The following SYDE2 variants were observed in gnomAD, a reference collection of about 807,000 sequenced individuals.
SYDE2 encodes the protein rho GTPase-activating protein SYDE2.
In SYDE2, 76 loss-of-function variants were observed where a neutral mutation model predicts 91.5. The ratio of observed to expected loss-of-function variants is 0.83; its 90% CI spans 0.69 to 1.01. SYDE2 has a LOEUF of 1.01. Among genes scored for constraint, SYDE2 ranks in the 50% least tolerant of loss-of-function variants. The pLI is 0.00. For missense variants in SYDE2, 1,364 were observed against 1,367.7 expected (o/e 1.00, Z 0.04); for synonymous variants, 513 against 506.4 (o/e 1.01, Z -0.18).
At chr1:85,156,485 G>A (rs938611482), downstream of SYDE2, among the ~76,000 whole-genome samples, 1 of 151,784 alleles carries the variant, frequency 6.6e-6, no homozygotes, top group Non-Finnish European at 1.5e-5. Context: ...ATAAAAAGCA[G>A]GTATAAAAAC....
chr1:85,180,409 A>C (rs537107857), intron 3 of SYDE2, among the ~76,000 whole-genome samples: 1 of 152,116 alleles, frequency 6.6e-6, no homozygotes, highest in South Asian at 2.1e-4. Flanking sequence ...GTACAGTTCT[A>C]GGCCGGACGC....
At position 85,200,431 on chromosome 1, in the gene SYDE2, T is replaced by C; in HGVS notation, c.566A>G (p.Lys189Arg). ...TTTGTACATCCACTTCTGCAGCTTC[T>C]TGACTGTCACTGCCGGCGGCCTGAG... ...SFLRPPAVTV[K>R]KLQKWMYKGR... The change falls in exon 1 of 7, where the codon AAG (lysine) becomes AGG (arginine). Residue 189 changes from lysine (K) to arginine (R), a missense_variant. Physicochemically the swap from Lys to Arg is conservative, Grantham distance 26. Transcript: ENST00000341460. The C allele has an allele frequency of 1.9e-6, 3 of 1,613,986 alleles. No individual in the cohort carries two copies. Among genetic ancestry groups the C allele is most frequent in the South Asian group, 2.2e-5 (2 of 91,088 alleles).
chr1:85,197,066 TA>T, intron 1 of SYDE2, among the ~76,000 whole-genome samples: 1 of 152,304 alleles, frequency 6.6e-6, no homozygotes, highest in East Asian at 1.9e-4. Context: ...AATTAAAACT[TA>T]TTTATAAAGA....
In SYDE2 at chr1:85,158,724, G is replaced by C. The variant is rs776795787; in HGVS notation, c.*26C>G. 2 of 700,880 alleles carry C rather than the reference G, an allele frequency of 2.9e-6. No homozygotes were observed. Among genetic ancestry groups the C allele is most frequent in the South Asian group, 1.6e-5 (1 of 62,030 alleles). The allele number at this position is 700,880 out of a possible 1,614,324, so 43.4% of individuals were successfully genotyped here. On this transcript the variant is annotated 3_prime_UTR_variant, in exon 7 of 7. Coordinates refer to ENST00000341460, the MANE Select transcript of SYDE2 (RefSeq NM_032184.2). ...AACAAAAACAGATTTGAAACTTTAA[G>C]ACATTACAAAAAAAAACCCTCAATC...
intron 3 of SYDE2, 80 bp downstream of exon 3, chr1:85,182,018 T>C: frequency 1.5e-6 from 2 of 1,359,236 alleles, no homozygotes; most frequent in Non-Finnish European, 2.0e-6. Flanking sequence ...TTTTTTTACA[T>C]TACCTTGAAT....
At chr1:85,160,624 T>A (rs1657024061) in intron 6 of SYDE2, 1 of 985,442 alleles carries the variant, frequency 1.0e-6, no homozygotes, top group Non-Finnish European at 1.2e-6. Context: ...TTTTTCTTCC[T>A]CTAGCTGCTT....
intron 4 of SYDE2, among the ~76,000 whole-genome samples, chr1:85,174,736 G>A (rs1331302451): frequency 6.6e-6 from 1 of 151,132 alleles, no homozygotes; most frequent in Non-Finnish European, 1.5e-5. Flanking sequence ...AACAATCTCA[G>A]TATATGTGGG....
downstream of SYDE2, chr1:85,154,085 C>G (rs192632997): frequency 2.6e-5 from 4 of 152,126 alleles, no homozygotes; most frequent in Non-Finnish European, 4.4e-5. Flanking sequence ...GAAAATTGGT[C>G]AGGAAAAACA....
chr1:85,185,353 ATGTC>A (rs1356030248), intron 2 of SYDE2, among the ~76,000 whole-genome samples: 1 of 151,404 alleles, frequency 6.6e-6, no homozygotes, highest in Non-Finnish European at 1.5e-5. Flanking sequence ...TTTTAAAAAA[ATGTC>A]TGTTAGTCTT....
chr1:85,197,811 C>T (rs1448911176), intron 1 of SYDE2, among the ~76,000 whole-genome samples: 3 of 152,012 alleles, frequency 2.0e-5, no homozygotes, highest in African/African-American at 4.8e-5. Context: ...CCCACCACCA[C>T]GCCCGGCTAA....
intron 5 of SYDE2, among the ~76,000 whole-genome samples, chr1:85,167,129 G>A (rs1657311663): frequency 1.3e-5 from 2 of 151,358 alleles, no homozygotes; most frequent in Admixed American, 1.3e-4. Context: ...CAGGAGGATG[G>A]CGTGAGCCGG....
downstream of SYDE2, among the ~76,000 whole-genome samples, chr1:85,156,215 A>G (rs1656878800): frequency 1.3e-5 from 2 of 152,140 alleles, no homozygotes; most frequent in African/African-American, 4.8e-5. Flanking sequence ...ATTTTTATTC[A>G]GGTACATGCT....
chr1:85,189,267 G>T (rs559678309), intron 2 of SYDE2, among the ~76,000 whole-genome samples: 1 of 152,174 alleles, frequency 6.6e-6, no homozygotes, highest in East Asian at 1.9e-4. Context: ...ACTGTAGCAC[G>T]TATTTGCAAG....
chr1:85,160,260 A>G, intron 6 of SYDE2: 1 of 958,978 alleles, frequency 1.0e-6, no homozygotes, highest in Non-Finnish European at 1.2e-6. Flanking sequence ...TGTTGTATAA[A>G]ATAAGACAAC....
chr1:85,171,925 C>T (rs1363096582), intron 4 of SYDE2, among the ~76,000 whole-genome samples: 2 of 151,310 alleles, frequency 1.3e-5, no homozygotes, highest in Non-Finnish European at 2.9e-5. Flanking sequence ...GAGGGGAGGG[C>T]GGGGGAGAAA....
intron 1 of SYDE2, among the ~76,000 whole-genome samples, chr1:85,195,534 T>C (rs1446801848): frequency 6.6e-6 from 1 of 152,046 alleles, no homozygotes; most frequent in Non-Finnish European, 1.5e-5. Context: ...ACCTTTTTTA[T>C]TTTCATTCCC....
At chr1:85,175,060 G>T (rs1186233591) in intron 4 of SYDE2, among the ~76,000 whole-genome samples, 1 of 152,188 alleles carries the variant, frequency 6.6e-6, no homozygotes, top group Non-Finnish European at 1.5e-5. Context: ...ACTGAACCTA[G>T]ATACTGATTA....
rs1380355501 is a variant in SYDE2, at chr1:85,183,341, T to A, written c.1442-141A>T. The A allele has an allele frequency of 4.4e-6, 3 of 675,102 alleles. No individual in the cohort carries two copies. In the African/African-American group the frequency reaches 5.5e-5, roughly 12 times the overall value. 41.8% of individuals were successfully genotyped at this position (675,102 alleles called of 1,614,324 possible). A position where few individuals can be genotyped will look rare whatever the true frequency, so the allele number is the denominator to read the frequency against. ...TTTCATCTCAATGGGGAGATTTCAT[T>A]AGAAGTTCAGGTCAACTTCCATCAT... On this transcript the variant is annotated intron_variant, in intron 2 of 6. Coordinates refer to ENST00000341460, the MANE Select transcript of SYDE2 (RefSeq NM_032184.2).
intron 1 of SYDE2, among the ~76,000 whole-genome samples, chr1:85,192,819 T>C (rs1467688161): frequency 1.3e-5 from 2 of 152,178 alleles, no homozygotes; most frequent in African/African-American, 4.8e-5. Flanking sequence ...CTACTCACCA[T>C]GCTACCCACA....
Sources: gnomAD v4.1 joint callset for allele counts (sites outside exome capture counted in the v4.1 genomes callset) on GRCh38, gnomAD v4.1.1 for gene constraint, MANE v1.5 for transcripts, NCBI Gene and HGNC (gene_info 2026-07-23, HGNC 2026-07-21) for gene names.